ENTREP2: variants seen among roughly 807,000 people sequenced by gnomAD.
ENTREP2 encodes endosomal transmembrane epsin interactor 2.
chr15:29,423,465 A>T, the ENTREP2 span, among the ~76,000 whole-genome samples: 1 of 152,146 alleles, frequency 6.6e-6, no homozygotes, highest in Non-Finnish European at 1.5e-5. Context: ...CAATGTTTAA[A>T]TGTATTCATA....
chr15:29,119,025 A>C, the ENTREP2 span, among the ~76,000 whole-genome samples: 11 of 152,156 alleles, frequency 7.2e-5, no homozygotes, highest in Non-Finnish European at 1.5e-4. Flanking sequence ...GGAACTGCAG[A>C]GTAAGGAGAA....
the ENTREP2 span, among the ~76,000 whole-genome samples, chr15:29,524,352 T>TA: frequency 7.9e-5 from 12 of 152,046 alleles, no homozygotes; most frequent in South Asian, 2.1e-4. Flanking sequence ...ATGGCTGTAA[T>TA]AAAAAAAACT....
chr15:29,552,322 C>A, the ENTREP2 span, among the ~76,000 whole-genome samples: 29 of 152,200 alleles, frequency 1.9e-4, no homozygotes, highest in East Asian at 5.6e-3. Context: ...AATCAAGAAA[C>A]AGAAGGTTAT....
At chr15:29,277,006 G>C in the ENTREP2 span, among the ~76,000 whole-genome samples, 3 of 152,206 alleles carry the variant, frequency 2.0e-5, no homozygotes, top group Non-Finnish European at 4.4e-5. Context: ...GGCAACAGGG[G>C]TAAGGGAGAG....
chr15:29,544,761 A>G, the ENTREP2 span, among the ~76,000 whole-genome samples: 1 of 152,188 alleles, frequency 6.6e-6, no homozygotes, highest in African/African-American at 2.4e-5. Flanking sequence ...TAACACTGAC[A>G]TTCTTCACAT....
the ENTREP2 span, among the ~76,000 whole-genome samples, chr15:29,506,666 T>C: frequency 6.6e-6 from 1 of 152,176 alleles, no homozygotes; most frequent in African/African-American, 2.4e-5. Flanking sequence ...CTAAGCTTCA[T>C]AAGTGAAGTT....
At chr15:29,602,729 A>G in the ENTREP2 span, among the ~76,000 whole-genome samples, 1 of 152,004 alleles carries the variant, frequency 6.6e-6, no homozygotes, top group Non-Finnish European at 1.5e-5. Flanking sequence ...TTAGAGATAT[A>G]TTCCCTCTTT....
chr15:29,477,603 T>G, the ENTREP2 span, among the ~76,000 whole-genome samples: 1 of 152,184 alleles, frequency 6.6e-6, no homozygotes, highest in Admixed American at 6.5e-5. Flanking sequence ...TCTGGTACTC[T>G]GCTACCAATC....
At chr15:29,388,811 G>T in the ENTREP2 span, among the ~76,000 whole-genome samples, 2 of 152,178 alleles carry the variant, frequency 1.3e-5, no homozygotes, top group Admixed American at 1.3e-4. Flanking sequence ...CATGTCCTTT[G>T]TAGAGACATG....
At chr15:29,283,531 C>T in the ENTREP2 span, among the ~76,000 whole-genome samples, 1 of 152,214 alleles carries the variant, frequency 6.6e-6, no homozygotes, top group South Asian at 2.1e-4. Flanking sequence ...TATCAATCCA[C>T]CATGGCCTGG....
At chr15:29,238,327 T>C in the ENTREP2 span, among the ~76,000 whole-genome samples, 545 of 152,276 alleles carry the variant, frequency 3.6e-3, 2 homozygotes, top group African/African-American at 0.012. Flanking sequence ...GTGAATTATA[T>C]GATACATGAG....
chr15:29,396,360 A>G, the ENTREP2 span, among the ~76,000 whole-genome samples: 1 of 151,026 alleles, frequency 6.6e-6, no homozygotes, highest in Non-Finnish European at 1.5e-5. Context: ...GAGATTATTC[A>G]GTATTCATCT....
At chr15:29,214,039 A>G in the ENTREP2 span, among the ~76,000 whole-genome samples, 4 of 148,578 alleles carry the variant, frequency 2.7e-5, no homozygotes, top group East Asian at 8.3e-4. Context: ...TCAGGAAACA[A>G]TAGGTGCTGG....
the ENTREP2 span, among the ~76,000 whole-genome samples, chr15:29,472,724 C>G: frequency 2.0e-5 from 3 of 152,128 alleles, no homozygotes; most frequent in African/African-American, 7.2e-5. Flanking sequence ...CTTGGCCTCC[C>G]AAAGTGCTGA....
the ENTREP2 span, among the ~76,000 whole-genome samples, chr15:29,118,964 G>A: frequency 6.6e-6 from 1 of 152,170 alleles, no homozygotes; most frequent in Non-Finnish European, 1.5e-5. Context: ...CCACAGCAGC[G>A]TGAGCTCCTT....
the ENTREP2 span, among the ~76,000 whole-genome samples, chr15:29,658,637 AAAAC>A: frequency 6.6e-6 from 1 of 151,978 alleles, no homozygotes; most frequent in Non-Finnish European, 1.5e-5. Flanking sequence ...CATTAAATAT[AAAAC>A]AAATCAATAA....
the ENTREP2 span, among the ~76,000 whole-genome samples, chr15:29,184,226 C>G: frequency 6.6e-6 from 1 of 152,192 alleles, no homozygotes; most frequent in African/African-American, 2.4e-5. Context: ...CTCAAGCGAT[C>G]CGCCGGCCTC....
the ENTREP2 span, among the ~76,000 whole-genome samples, chr15:29,541,251 G>A: frequency 2.0e-5 from 3 of 152,170 alleles, no homozygotes; most frequent in African/African-American, 4.8e-5. Flanking sequence ...GGAGCACACT[G>A]CGGAAATTTC....
the ENTREP2 span, among the ~76,000 whole-genome samples, chr15:29,524,464 A>G: frequency 0.45 from 68,500 of 152,018 alleles, 16,628 homozygotes; most frequent in African/African-American, 0.65. Flanking sequence ...GATGTGGCAG[A>G]CCACTCCCAA....
Sources: allele counts gnomAD v4.1 joint callset (sites outside exome capture counted in the v4.1 genomes callset), GRCh38; gene constraint gnomAD v4.1.1; transcripts MANE v1.5; gene names NCBI Gene and HGNC (gene_info 2026-07-23, HGNC 2026-07-21).